The following DAB2IP variants were observed in gnomAD, a reference collection of about 807,000 sequenced individuals.
DAB2IP encodes DAB2 interacting protein.
DAB2IP carries 28 observed loss-of-function variants against 107.2 expected under a neutral mutation model. That is an observed-to-expected ratio of 0.26 (90% CI 0.19 to 0.36). The LOEUF is 0.36. Ranked by LOEUF, DAB2IP falls within the 10% of genes least tolerant of loss-of-function variation. DAB2IP has a pLI of 1.00. For synonymous variants in DAB2IP, 755 were observed against 706.4 expected (o/e 1.07, Z -1.09); for missense variants, 1,400 against 1,644.7 (o/e 0.85, Z 2.57).
At chr9:121,763,971 C>G (rs1834079044) in intron 8 of DAB2IP, 92 bp downstream of exon 8, 1 of 1,543,754 alleles carries the variant, frequency 6.5e-7, no homozygotes, top group Non-Finnish European at 8.8e-7. Flanking sequence ...TGCTGCCTGG[C>G]CCCTGAGTTG....
chr9:121,623,075 T>C (rs1831528313), intron 1 of DAB2IP, among the ~76,000 whole-genome samples: 1 of 152,206 alleles, frequency 6.6e-6, no homozygotes, highest in Non-Finnish European at 1.5e-5. Context: ...GCAAGTGAGA[T>C]GCTTACTTAA....
intron 1 of DAB2IP, among the ~76,000 whole-genome samples, chr9:121,631,586 G>T (rs1291476443): frequency 1.3e-5 from 2 of 152,060 alleles, no homozygotes; most frequent in East Asian, 3.9e-4. Context: ...GGGAGGCCGA[G>T]GCTGGCGGAT....
In DAB2IP at chr9:121,634,468, G is replaced by C. The variant is rs1482663991; in HGVS notation, c.41-44210G>C. Among the ~76,000 whole-genome samples, 1 of 152,206 alleles carries C rather than the reference G, an allele frequency of 6.6e-6. No homozygotes were observed. The highest frequency in any genetic ancestry group is 6.5e-5 in the Admixed American group (1 of 15,278). Reference sequence around the variant, plus strand: ...TTAGTGTACACAGGAGCCCCACCCTGAGCCACTGTGGCCCCAGGTGTCCCC... The same window carrying C: ...TTAGTGTACACAGGAGCCCCACCCTCAGCCACTGTGGCCCCAGGTGTCCCC... On this transcript the variant is annotated intron_variant, in intron 1 of 16. Coordinates refer to the DAB2IP transcript ENST00000259371. The surrounding 1 kb of genome is among the most constrained non-coding windows in gnomAD (Gnocchi z 4.7).
chr9:121,705,985 G>A (rs1830039672), intron 3 of DAB2IP, among the ~76,000 whole-genome samples: 1 of 152,224 alleles, frequency 6.6e-6, no homozygotes, highest in Non-Finnish European at 1.5e-5. Context: ...AAGGCAAGAG[G>A]GAAAAGCATC....
chr9:121,615,501 A>T (rs1289533138), intron 1 of DAB2IP, among the ~76,000 whole-genome samples: 1 of 152,180 alleles, frequency 6.6e-6, no homozygotes, highest in African/African-American at 2.4e-5. Context: ...GCCTCAGGTA[A>T]ATCCCAGTGT....
intron 1 of DAB2IP, among the ~76,000 whole-genome samples, chr9:121,589,527 A>AG (rs2118924850): frequency 6.6e-6 from 1 of 152,222 alleles, no homozygotes; most frequent in East Asian, 1.9e-4. Context: ...CTGGTAGCAG[A>AG]GCCGCATAGC....
intron 4 of DAB2IP, 77 bp from the exon 5 acceptor site, chr9:121,758,821 C>T: frequency 7.3e-7 from 1 of 1,360,878 alleles, no homozygotes; most frequent in Non-Finnish European, 1.0e-6. Context: ...CCCTGAGCCT[C>T]CAAGGTCTTC....
intron 13 of DAB2IP, among the ~76,000 whole-genome samples, chr9:121,775,628 G>A (rs1835146524): frequency 6.6e-6 from 1 of 152,194 alleles, no homozygotes; most frequent in Non-Finnish European, 1.5e-5. Flanking sequence ...TGGGGTCTGT[G>A]CTGGACTGAG....
upstream of DAB2IP, among the ~76,000 whole-genome samples, chr9:121,648,938 G>A (rs528583858): frequency 1.1e-4 from 17 of 152,118 alleles, no homozygotes; most frequent in Admixed American, 4.6e-4. Flanking sequence ...CAGGGGCGCC[G>A]GCGGGAGGTG....
chr9:121,735,936 G>A (rs1310721023), intron 3 of DAB2IP, among the ~76,000 whole-genome samples: 1 of 152,188 alleles, frequency 6.6e-6, no homozygotes, highest in Non-Finnish European at 1.5e-5. Context: ...CGGGAACCTG[G>A]GCAGCTCACA....
chr9:121,771,188 G>C (rs1450651763), intron 11 of DAB2IP, among the ~76,000 whole-genome samples: 1 of 152,180 alleles, frequency 6.6e-6, no homozygotes, highest in East Asian at 1.9e-4. Flanking sequence ...TTGAGGCTGG[G>C]AACAGCAGAA....
At chr9:121,775,930 G>T (rs538823176) in intron 13 of DAB2IP, among the ~76,000 whole-genome samples, 1 of 152,332 alleles carries the variant, frequency 6.6e-6, no homozygotes, top group East Asian at 1.9e-4. Context: ...CCTGGGACTT[G>T]GGTCTAAGTC....
chr9:121,715,216 T>C (rs1449665787), intron 3 of DAB2IP, among the ~76,000 whole-genome samples: 1 of 152,094 alleles, frequency 6.6e-6, no homozygotes, highest in Non-Finnish European at 1.5e-5. Context: ...TGAGAGTCTT[T>C]AGAGAGAGGG....
intron 1 of DAB2IP, among the ~76,000 whole-genome samples, chr9:121,605,958 C>T (rs1564696434): frequency 6.6e-6 from 1 of 152,120 alleles, no homozygotes; most frequent in African/African-American, 2.4e-5. Flanking sequence ...TTATTTGTGG[C>T]CAGAAAGTCC....
At chr9:121,778,530 T>C (rs1025365075) in intron 14 of DAB2IP, among the ~76,000 whole-genome samples, 1 of 152,208 alleles carries the variant, frequency 6.6e-6, no homozygotes, top group African/African-American at 2.4e-5. Flanking sequence ...GTACCATCTG[T>C]TCTTTTTTTC....
chr9:121,610,514 T>C (rs1831055936), intron 1 of DAB2IP, among the ~76,000 whole-genome samples: 1 of 152,174 alleles, frequency 6.6e-6, no homozygotes, highest in Admixed American at 6.5e-5. Context: ...AGGGTTGGAA[T>C]GCAGGTCTTC....
intron 1 of DAB2IP, among the ~76,000 whole-genome samples, chr9:121,655,378 T>A (rs961702932): frequency 6.9e-6 from 1 of 144,104 alleles, no homozygotes. Context: ...GAAATTTTCC[T>A]CTAGCCCTGG....
chr9:121,596,818 T>C (rs1830540516), intron 1 of DAB2IP, among the ~76,000 whole-genome samples: 1 of 152,194 alleles, frequency 6.6e-6, no homozygotes, highest in South Asian at 2.1e-4. Context: ...GCCAAATTGT[T>C]TCCCAGAGTG....
At chr9:121,654,694 C>T (rs1215016175) in intron 1 of DAB2IP, among the ~76,000 whole-genome samples, 3 of 152,184 alleles carry the variant, frequency 2.0e-5, no homozygotes, top group Non-Finnish European at 4.4e-5. Context: ...ACCCTGTGGC[C>T]TTTGAGCCAG....
Sources: allele counts gnomAD v4.1 joint callset (sites outside exome capture counted in the v4.1 genomes callset), GRCh38; gene constraint gnomAD v4.1.1; non-coding constraint Gnocchi (gnomAD v3.1); transcripts MANE v1.5; gene names NCBI Gene and HGNC (gene_info 2026-07-23, HGNC 2026-07-21).